The following GARRE1 variants were observed in gnomAD, a reference collection of about 807,000 sequenced individuals.
GARRE1 encodes the protein granule associated Rac and RHOG effector protein 1.
In GARRE1, 49 loss-of-function variants were observed where a neutral mutation model predicts 103.2. The ratio of observed to expected loss-of-function variants is 0.47; its 90% CI spans 0.38 to 0.60. The LOEUF (loss-of-function observed/expected upper bound fraction) is 0.60. Among genes scored for constraint, GARRE1 ranks in the 20% least tolerant of loss-of-function variants. The probability of loss-of-function intolerance (pLI) is 0.00; values close to 1 mark genes in which losing one functional copy is unlikely to be tolerated. For missense variants in GARRE1, 1,199 were observed against 1,370.5 expected, an observed-to-expected ratio of 0.87 and a Z score of 1.98; for synonymous variants, 505 against 532.8, an observed-to-expected ratio of 0.95 and a Z score of 0.72.
At chr19:34,307,798 A>C (rs1568538177) in intron 2 of GARRE1, among the ~76,000 whole-genome samples, 3 of 124,288 alleles carry the variant, frequency 2.4e-5, no homozygotes, top group Non-Finnish European at 5.2e-5. Flanking sequence ...ACTATAAAAA[A>C]AAAATATATA....
rs111594632 is a variant in GARRE1, at chr19:34,277,904, C to A, written c.-795-21775C>A. Among the ~76,000 whole-genome samples, 2 of 10,348 alleles carry A rather than the reference C, an allele frequency of 1.9e-4. 1 individual carries two copies. Among genetic ancestry groups the A allele is most frequent in the Non-Finnish European group, 4.2e-4 (2 of 4,714 alleles). 6.8% of individuals were successfully genotyped at this position (10,348 alleles called of 152,430 possible). On this transcript the variant is annotated intron_variant, in intron 1 of 13. Coordinates refer to ENST00000299505, the MANE Select transcript of GARRE1 (RefSeq NM_014686.5). ...AGCAGGATAAATGCTTGATTTCACC[C>A]CCCCCCCCCACCCCCAGCAGTTTTC...
intron 3 of GARRE1, 28 bp downstream of exon 3, chr19:34,320,144 C>G: frequency 1.9e-6 from 3 of 1,596,996 alleles, no homozygotes; most frequent in Non-Finnish European, 2.6e-6. Flanking sequence ...GAGATTGGTG[C>G]CTGTGTTCAA....
intron 1 of GARRE1, among the ~76,000 whole-genome samples, chr19:34,297,151 T>A (rs1219304776): frequency 6.6e-6 from 1 of 152,016 alleles, no homozygotes; most frequent in Non-Finnish European, 1.5e-5. Context: ...AGCCAGGCAC[T>A]GTGACGCGCA....
chr19:34,352,996 C>T lies in GARRE1; in HGVS notation c.*41C>T. ...CCTGCCTGCCTGCCTGCCTGCCCGC[C>T]CAGAGCTGTGGGGATGAGTGTCCCC... is the stretch of plus-strand genomic sequence containing the variant. On this transcript the variant is annotated 3_prime_UTR_variant, in exon 14 of 14. Coordinates refer to ENST00000299505, the MANE Select transcript of GARRE1 (RefSeq NM_014686.5). 6.8e-7 allele frequency: 1 copy of T among 1,477,514 alleles called. No homozygotes were observed. Among genetic ancestry groups the T allele is most frequent in the South Asian group, 1.3e-5 (1 of 74,342 alleles). The allele number at this position is 1,477,514 out of a possible 1,614,324, so 91.5% of individuals were successfully genotyped here.
chr19:34,267,981 C>T (rs2073762924), intron 1 of GARRE1, among the ~76,000 whole-genome samples: 1 of 151,686 alleles, frequency 6.6e-6, no homozygotes, highest in Admixed American at 6.6e-5. Context: ...ACCATGTTGG[C>T]CAGGCTGGTC....
At chr19:34,351,420 C>T in intron 12 of GARRE1, 94 bp from the exon 13 acceptor site, 1 of 962,202 alleles carries the variant, frequency 1.0e-6, no homozygotes, top group Non-Finnish European at 1.7e-6. Context: ...GAACCAGGGC[C>T]TGGAGATGCT....
rs1188380135 is a variant in GARRE1 at position 34,284,122 on chromosome 19, GCTTT to G, written c.-795-15552_-795-15549del. ...TGGAAGTGCTGGGATTACAGGCCCGGCTTTCTTTTTTTTTTTTTTTTTTTTTTTG... is the reference window on the plus strand; with the variant it reads ...TGGAAGTGCTGGGATTACAGGCCCGGCTTTTTTTTTTTTTTTTTTTTTTTG... On this transcript the variant is annotated intron_variant, in intron 1 of 13. Coordinates refer to ENST00000299505, the MANE Select transcript of GARRE1 (RefSeq NM_014686.5). 1.8e-4 allele frequency among the ~76,000 whole-genome samples: 22 copies of G among 125,134 alleles called. No individual in the cohort carries two copies. The East Asian group carries it at 3.9e-3, about 22-fold the overall frequency. 82.1% of individuals were successfully genotyped at this position (125,134 alleles called of 152,430 possible).
rs147723239 is a variant in GARRE1, at chr19:34,302,507, C to T, written c.495+1539C>T. Among the ~76,000 whole-genome samples the T allele has an allele frequency of 5.2e-3, 792 of 151,522 alleles. 7 individuals carry two copies. The highest frequency in any genetic ancestry group is 9.1e-3 in the Non-Finnish European group (615 of 67,804). On this transcript the variant is annotated intron_variant, in intron 2 of 13. Coordinates refer to ENST00000299505, the MANE Select transcript of GARRE1 (RefSeq NM_014686.5). ...CAGGGTTTCACCATCTTGGCCAGGC[C>T]GGTCTCGAACTCCTAACCTCAAGTG...
At chr19:34,266,558 C>T (rs13343760) in intron 1 of GARRE1, among the ~76,000 whole-genome samples, 1,649 of 152,292 alleles carry the variant, frequency 0.011, 23 homozygotes, top group African/African-American at 0.037. Flanking sequence ...GATGGGGTTT[C>T]ACCATGTTGG....
chr19:34,289,704 C>T (rs112059386), intron 1 of GARRE1, among the ~76,000 whole-genome samples: 2 of 150,448 alleles, frequency 1.3e-5, no homozygotes, highest in African/African-American at 4.9e-5. Flanking sequence ...AGCCTGGTGA[C>T]AGAGCTAGAC....
intron 1 of GARRE1, among the ~76,000 whole-genome samples, chr19:34,274,881 G>A (rs1010460092): frequency 6.6e-6 from 1 of 152,164 alleles, no homozygotes; most frequent in Non-Finnish European, 1.5e-5. Context: ...AGGAACGTCC[G>A]AGCAAAGCAC....
At chr19:34,315,599 T>G (rs1195226814) in intron 2 of GARRE1, among the ~76,000 whole-genome samples, 2 of 150,604 alleles carry the variant, frequency 1.3e-5, no homozygotes, top group African/African-American at 4.9e-5. Flanking sequence ...TAGTCCCAGC[T>G]ACTTGGGAGG....
intron 3 of GARRE1, among the ~76,000 whole-genome samples, chr19:34,321,650 G>C (rs2074089621): frequency 6.6e-6 from 1 of 152,000 alleles, no homozygotes; most frequent in Middle Eastern, 3.2e-3. Flanking sequence ...GCTAATTTTT[G>C]TATTTTTAGT....
Position 34,300,578 on chromosome 19 carries a change from T to G in GARRE1, c.105T>G (p.Pro35=). 1 of 1,613,540 alleles carries G rather than the reference T, an allele frequency of 6.2e-7. No homozygotes were observed. Among genetic ancestry groups the G allele is most frequent in the Non-Finnish European group, 8.5e-7 (1 of 1,180,030 alleles). Reference sequence around the variant, plus strand: ...AGCAGCACCAGCAATACCCGATGCCTGAGCTGGGCCGAGCACTGAGTGCTC... The same window carrying G: ...AGCAGCACCAGCAATACCCGATGCCGGAGCTGGGCCGAGCACTGAGTGCTC... ...KVQQHQQYPM[P]ELGRALSAPL... The change falls in exon 2 of 14, where the codon CCT becomes CCG. Residue 35 remains proline, a synonymous_variant. Transcript: ENST00000299505.
chr19:34,315,948 C>G (rs941823703), intron 2 of GARRE1, among the ~76,000 whole-genome samples: 3 of 152,162 alleles, frequency 2.0e-5, no homozygotes, highest in African/African-American at 7.2e-5. Flanking sequence ...AACAGGCTCT[C>G]ATTCAGTAGA....
At chr19:34,256,302 A>G (rs1203462317) in intron 1 of GARRE1, among the ~76,000 whole-genome samples, 1 of 151,420 alleles carries the variant, frequency 6.6e-6, no homozygotes, top group East Asian at 2.0e-4. Flanking sequence ...ACTTGAGGTC[A>G]GGAGTTCTAG....
At chr19:34,338,497 C>G (rs1446363223) in intron 8 of GARRE1, among the ~76,000 whole-genome samples, 2 of 152,124 alleles carry the variant, frequency 1.3e-5, no homozygotes, top group African/African-American at 4.8e-5. Context: ...TTGATCACAC[C>G]ACTGCACTCC....
chr19:34,312,240 A>G (rs1022678502), intron 2 of GARRE1, among the ~76,000 whole-genome samples: 20 of 152,226 alleles, frequency 1.3e-4, no homozygotes, highest in Non-Finnish European at 7.3e-5. Flanking sequence ...AGTTTGGAAT[A>G]GAAGGGTAGC....
chr19:34,318,903 G>A (rs1319592046), intron 2 of GARRE1, among the ~76,000 whole-genome samples: 2 of 152,068 alleles, frequency 1.3e-5, no homozygotes, highest in African/African-American at 2.4e-5. Flanking sequence ...TTAGCCGGGT[G>A]TGATAGTGCA....
Sources: allele counts gnomAD v4.1 joint callset (sites outside exome capture counted in the v4.1 genomes callset), GRCh38; gene constraint gnomAD v4.1.1; transcripts MANE v1.5; gene names NCBI Gene and HGNC (gene_info 2026-07-23, HGNC 2026-07-21).